Variants in DPP10 observed in about 807,000 individuals in gnomAD.
The protein encoded by DPP10 is dipeptidyl peptidase like 10, also known as inactive dipeptidyl peptidase 10.
DPP10 carries 33 observed loss-of-function variants against 120.9 expected under a neutral mutation model. The observed-to-expected ratio is 0.27, with a 90% confidence interval of 0.21 to 0.37. DPP10 has a LOEUF of 0.37. Among genes scored for constraint, DPP10 ranks in the 10% least tolerant of loss-of-function variants. The pLI is 1.00. For synonymous variants in DPP10, 337 were observed against 326.1 expected (o/e 1.03, Z -0.36); for missense variants, 816 against 942.8 (o/e 0.87, Z 1.76).
chr2:114,525,647 T>G (rs1295363579), intron 1 of DPP10, among the ~76,000 whole-genome samples: 1 of 152,186 alleles, frequency 6.6e-6, no homozygotes, highest in East Asian at 1.9e-4. Flanking sequence ...CAGTTTTGAT[T>G]TTATCACTTA....
chr2:115,020,888 A>T (rs1371831689), intron 1 of DPP10, among the ~76,000 whole-genome samples: 1 of 152,124 alleles, frequency 6.6e-6, no homozygotes, highest in East Asian at 1.9e-4. Flanking sequence ...ATGCAAATAC[A>T]TGGAAATTAA....
At chr2:114,834,633 A>AT (rs1167025897) in intron 1 of DPP10, among the ~76,000 whole-genome samples, 10 of 135,872 alleles carry the variant, frequency 7.4e-5, no homozygotes, top group South Asian at 2.4e-4. Flanking sequence ...ATGTATATAT[A>AT]AGCCATATCT....
chr2:114,815,774 C>G (rs551415502), intron 1 of DPP10, among the ~76,000 whole-genome samples: 166 of 152,008 alleles, frequency 1.1e-3, no homozygotes, highest in African/African-American at 4.0e-3. Flanking sequence ...AATTGGGAGT[C>G]AAATATCTCT....
At chr2:115,601,537 T>C (rs1212688123) in intron 5 of DPP10, among the ~76,000 whole-genome samples, 2 of 152,226 alleles carry the variant, frequency 1.3e-5, no homozygotes, top group Admixed American at 1.3e-4. Context: ...TGATAAAATT[T>C]GACCACTTGA....
intron 3 of DPP10, among the ~76,000 whole-genome samples, chr2:115,493,062 C>T (rs550754436): frequency 2.6e-5 from 4 of 151,882 alleles, no homozygotes; most frequent in South Asian, 4.2e-4. Context: ...TATAGGCTAT[C>T]GGTAGATAAT....
chr2:115,183,449 T>C (rs570917289), intron 1 of DPP10, among the ~76,000 whole-genome samples: 1 of 152,294 alleles, frequency 6.6e-6, no homozygotes, highest in African/African-American at 2.4e-5. Context: ...ATTACCTGTT[T>C]ACTGGTGTCT....
chr2:115,436,087 G>A (rs1028901127), intron 3 of DPP10, among the ~76,000 whole-genome samples: 1 of 151,754 alleles, frequency 6.6e-6, no homozygotes, highest in Non-Finnish European at 1.5e-5. Context: ...TGTTAATAGT[G>A]GAAATGTTAG....
rs138150442 is a variant in DPP10 at position 115,311,437 on chromosome 2, TA to T, written c.175+2088del. 1.6e-4 allele frequency among the ~76,000 whole-genome samples: 24 copies of T among 152,288 alleles called. 2 individuals carry two copies. In the East Asian group the frequency reaches 4.6e-3, roughly 29 times the overall value. ...TAAAGAATGTTCCCCAGAAAAGGTA[TA>T]AAACCTCTCAGGAATATACATCTTC... On this transcript the variant is annotated intron_variant, in intron 2 of 25. Transcript: ENST00000410059.
At chr2:115,833,120 T>C (rs893595656) in intron 21 of DPP10, among the ~76,000 whole-genome samples, 2 of 152,110 alleles carry the variant, frequency 1.3e-5, no homozygotes, top group Non-Finnish European at 2.9e-5. Context: ...AATCAGGCTA[T>C]GAGAGACATG....
intron 3 of DPP10, among the ~76,000 whole-genome samples, chr2:115,382,779 A>C (rs1400663): frequency 0.65 from 97,873 of 151,592 alleles, 32,175 homozygotes; most frequent in Admixed American, 0.74. Context: ...CCCACCATTC[A>C]ATTATTCTTT....
At chr2:115,732,228 G>GA (rs879719530) in intron 8 of DPP10, among the ~76,000 whole-genome samples, 77 of 151,576 alleles carry the variant, frequency 5.1e-4, no homozygotes, top group Non-Finnish European at 9.0e-4. Flanking sequence ...AAATGTCATA[G>GA]AAAAAAAAGA....
intron 1 of DPP10, among the ~76,000 whole-genome samples, chr2:114,912,850 G>C (rs936342926): frequency 3.9e-4 from 59 of 152,304 alleles, no homozygotes; most frequent in African/African-American, 1.3e-3. Context: ...AGAGTTGATG[G>C]AGACAGAATT....
At chr2:115,137,900 G>A (rs142973840) in intron 1 of DPP10, among the ~76,000 whole-genome samples, 1 of 152,196 alleles carries the variant, frequency 6.6e-6, no homozygotes, top group African/African-American at 2.4e-5. Flanking sequence ...ATTCCCACCA[G>A]GTCACATTTG....
chr2:115,302,553 A>G (rs1331707930), intron 1 of DPP10, among the ~76,000 whole-genome samples: 1 of 151,730 alleles, frequency 6.6e-6, no homozygotes, highest in Non-Finnish European at 1.5e-5. Flanking sequence ...GGAGGTTGAT[A>G]CTACAGTGAG....
chr2:115,295,883 A>G (rs1198964113), intron 1 of DPP10, among the ~76,000 whole-genome samples: 1 of 152,120 alleles, frequency 6.6e-6, no homozygotes, highest in Non-Finnish European at 1.5e-5. Flanking sequence ...CAGAATAAAA[A>G]TGTTTTACAA....
chr2:115,175,321 T>C (rs948869365), intron 1 of DPP10, among the ~76,000 whole-genome samples: 1 of 152,200 alleles, frequency 6.6e-6, no homozygotes, highest in Admixed American at 6.5e-5. Context: ...TATCATTTCC[T>C]GCTCCGTGAT....
chr2:115,228,902 G>A (rs1309711842), intron 1 of DPP10, among the ~76,000 whole-genome samples: 1 of 151,990 alleles, frequency 6.6e-6, no homozygotes, highest in African/African-American at 2.4e-5. Flanking sequence ...TTGGTGGTGG[G>A]GTTGCTGGAT....
At chr2:114,844,977 C>T (rs1233249635) in intron 1 of DPP10, among the ~76,000 whole-genome samples, 4 of 152,108 alleles carry the variant, frequency 2.6e-5, no homozygotes, top group Non-Finnish European at 5.9e-5. Context: ...TAATATTTCA[C>T]TTATTTTACA....
intron 1 of DPP10, among the ~76,000 whole-genome samples, chr2:114,656,978 C>A (rs1697011205): frequency 6.6e-6 from 1 of 152,020 alleles, no homozygotes; most frequent in Non-Finnish European, 1.5e-5. Flanking sequence ...GATCTCAGAT[C>A]TTTGTGGTAA....
Sources: allele counts gnomAD v4.1 joint callset (sites outside exome capture counted in the v4.1 genomes callset), GRCh38; gene constraint gnomAD v4.1.1; transcripts MANE v1.5; gene names NCBI Gene and HGNC (gene_info 2026-07-23, HGNC 2026-07-21).